Variants in CD300LF observed in about 807,000 individuals in gnomAD.
The protein encoded by CD300LF is CMRF35-like molecule 1.
CD300LF carries 27 observed loss-of-function variants against 32.2 expected under a neutral mutation model. The observed-to-expected ratio is 0.84, with a 90% confidence interval of 0.62 to 1.15. CD300LF has a LOEUF of 1.15. CD300LF is among the 50% of genes most tolerant of loss of function. CD300LF has a pLI of 0.00. For missense variants in CD300LF, 348 were observed against 356.8 expected, an observed-to-expected ratio of 0.98 and a Z score of 0.20; for synonymous variants, 139 against 143.2, an observed-to-expected ratio of 0.97 and a Z score of 0.21.
chr17:74,695,029 G>C lies in CD300LF; in HGVS notation c.*67C>G, dbSNP rs982481740. The C allele has an allele frequency of 6.6e-7, 1 of 1,526,624 alleles. No individual in the cohort carries two copies. The highest frequency in any genetic ancestry group is 1.4e-5 in the African/African-American group (1 of 72,504). 94.6% of individuals were successfully genotyped at this position (1,526,624 alleles called of 1,614,324 possible). On this transcript the variant is annotated 3_prime_UTR_variant, in exon 7 of 7. Coordinates refer to ENST00000326165, the MANE Select transcript of CD300LF (RefSeq NM_139018.5). ...GTTGGTCCTGATGAGGGGAGCAGGG[G>C]GCAGACGGTCGATGAGGCAGGAGTG...
At chr17:74,712,131 C>G (rs1436233250) in intron 1 of CD300LF, among the ~76,000 whole-genome samples, 1 of 151,836 alleles carries the variant, frequency 6.6e-6, no homozygotes, top group Non-Finnish European at 1.5e-5. Context: ...AAGCTGGTCT[C>G]GAATCCCTGA....
chr17:74,703,935 G>A (rs1489065370), intron 2 of CD300LF, among the ~76,000 whole-genome samples: 5 of 152,230 alleles, frequency 3.3e-5, no homozygotes, highest in African/African-American at 9.6e-5. Flanking sequence ...GCTCATGGTG[G>A]GATGTCAGGG....
chr17:74,702,800 G>A (rs2033175460), intron 3 of CD300LF, among the ~76,000 whole-genome samples: 1 of 152,200 alleles, frequency 6.6e-6, no homozygotes, highest in Non-Finnish European at 1.5e-5. Context: ...TAAAAGTGGG[G>A]CGAACGAATG....
intron 1 of CD300LF, among the ~76,000 whole-genome samples, chr17:74,711,242 C>T (rs561605017): frequency 3.3e-5 from 5 of 152,150 alleles, no homozygotes; most frequent in African/African-American, 9.6e-5. Flanking sequence ...TCCATGTTGG[C>T]GCCCATAGCT....
chr17:74,702,200 G>C (rs549266491), intron 3 of CD300LF, among the ~76,000 whole-genome samples: 3 of 152,090 alleles, frequency 2.0e-5, no homozygotes, highest in Non-Finnish European at 4.4e-5. Context: ...ACAAAGTCAA[G>C]AGGGCCAAGG....
chr17:74,708,732 C>A (rs190720983), intron 1 of CD300LF, among the ~76,000 whole-genome samples: 1 of 151,722 alleles, frequency 6.6e-6, no homozygotes, highest in Non-Finnish European at 1.5e-5. Context: ...CTGGCTAACA[C>A]GGTGAAACCC....
intron 3 of CD300LF, 26 bp downstream of exon 3, chr17:74,703,009 C>A (rs1485893134): frequency 6.3e-7 from 1 of 1,590,272 alleles, no homozygotes; most frequent in Non-Finnish European, 8.6e-7. Flanking sequence ...GCCAAGTAGG[C>A]CACAGTGGAA....
chr17:74,711,758 GT>G (rs2033978303), intron 1 of CD300LF, among the ~76,000 whole-genome samples: 1 of 152,094 alleles, frequency 6.6e-6, no homozygotes, highest in Non-Finnish European at 1.5e-5. Context: ...CAGGGGGGTT[GT>G]TTCAGCCCAC....
In CD300LF at chr17:74,694,784, A is replaced by G. The variant is rs2032272574; in HGVS notation, c.*312T>C. On this transcript the variant is annotated 3_prime_UTR_variant, in exon 7 of 7. Transcript: ENST00000326165. Reference sequence around the variant, plus strand: ...AATAAAGGTTCATTGTATTACGATAATGGTACTTCATGATAATAATGATAA... The same window carrying G: ...AATAAAGGTTCATTGTATTACGATAGTGGTACTTCATGATAATAATGATAA... 3.9e-6 allele frequency: 1 copy of G among 253,492 alleles called. No individual in the cohort carries two copies. The highest frequency in any genetic ancestry group is 7.5e-6 in the Non-Finnish European group (1 of 133,090). 15.7% of individuals were successfully genotyped at this position (253,492 alleles called of 1,614,324 possible).
intron 1 of CD300LF, among the ~76,000 whole-genome samples, chr17:74,706,120 G>C (rs1370898386): frequency 6.6e-6 from 1 of 151,988 alleles, no homozygotes; most frequent in Non-Finnish European, 1.5e-5. Flanking sequence ...GGAGGGAAGG[G>C]AGCAAGCACT....
At position 74,703,088 on chromosome 17, in the gene CD300LF, G is replaced by A. The variant is rs2033210187; in HGVS notation, c.393C>T (p.Thr131=). 2 of 1,614,048 alleles carry A rather than the reference G, an allele frequency of 1.2e-6. No homozygotes were observed. Among genetic ancestry groups the A allele is most frequent in the Non-Finnish European group, 8.5e-7 (1 of 1,179,954 alleles). Residue 131 remains threonine, a synonymous_variant, in exon 3 of 7, where the codon ACC becomes ACT. Coordinates refer to ENST00000326165, the MANE Select transcript of CD300LF (RefSeq NM_139018.5). ...TTGGGGAGCTGCTAGTTTCTTCTTG[G>A]GTGACTGGTGCTGTAAACGTAGTGG... is the stretch of plus-strand genomic sequence containing the variant. ...VQVTIDPAPV[T]QEETSSSPTL...
Position 74,695,631 on chromosome 17 carries a change from C to T in CD300LF, c.717+94G>A. On this transcript the variant is annotated intron_variant, in intron 6 of 6. Coordinates refer to ENST00000326165, the MANE Select transcript of CD300LF (RefSeq NM_139018.5). ...CCCACACCTGCCTCCTCTATGCCCA[C>T]ATGAGCAGGAGAAAGCCCACCCTCC... is the stretch of plus-strand genomic sequence containing the variant. 4.5e-6 allele frequency: 7 copies of T among 1,566,794 alleles called. No homozygotes were observed. The South Asian group carries it at 6.9e-5, about 15-fold the overall frequency.
chr17:74,694,797 A>G lies in CD300LF; in HGVS notation c.*299T>C, dbSNP rs2143523014. The G allele has an allele frequency of 3.7e-6, 1 of 273,406 alleles. No individual in the cohort carries two copies. The highest frequency in any genetic ancestry group is 1.2e-4 in the South Asian group (1 of 8,154). 16.9% of individuals were successfully genotyped at this position (273,406 alleles called of 1,614,324 possible). A position where few individuals can be genotyped will look rare whatever the true frequency, so the allele number is the denominator to read the frequency against. ...TGTATTACGATAATGGTACTTCATG[A>G]TAATAATGATAACATTTTTCTCATT... On this transcript the variant is annotated 3_prime_UTR_variant, in exon 7 of 7. Coordinates refer to ENST00000326165, the MANE Select transcript of CD300LF (RefSeq NM_139018.5).
chr17:74,705,553 CAGTA>C (rs1179664147), intron 1 of CD300LF, among the ~76,000 whole-genome samples: 4 of 152,152 alleles, frequency 2.6e-5, no homozygotes, highest in Non-Finnish European at 4.4e-5. Flanking sequence ...GTATTATAGA[CAGTA>C]AGGCAGTATT....
chr17:74,696,659 C>T (rs1196019626), intron 4 of CD300LF, among the ~76,000 whole-genome samples: 1 of 152,220 alleles, frequency 6.6e-6, no homozygotes, highest in Admixed American at 6.5e-5. Flanking sequence ...CCCGGGCCCC[C>T]GGGGGGCACT....
chr17:74,712,724 C>A, intron 1 of CD300LF, 100 bp downstream of exon 1: 1 of 1,217,610 alleles, frequency 8.2e-7, no homozygotes. Context: ...AAGGCTCATG[C>A]CATTAAGGAC....
Position 74,704,699 on chromosome 17 carries a change from C to T in CD300LF, c.161G>A (p.Cys54Tyr), listed in dbSNP as rs1368866094. ...SGWETYLKWWCRGAIWRDCKI... is the reference protein window; with the variant it reads ...SGWETYLKWWYRGAIWRDCKI... ...GCAGTCACGCCAAATAGCTCCTCGA[C>T]ACCACCACTTCAAGTAGGTCTCCCA... is the stretch of plus-strand genomic sequence containing the variant. Residue 54 changes from cysteine to tyrosine, a missense_variant, in exon 2 of 7, where the codon TGT (cysteine) becomes TAT (tyrosine). Physicochemically the swap from Cys to Tyr is radical, Grantham distance 194. Transcript: ENST00000326165. 6.2e-7 allele frequency: 1 copy of T among 1,614,206 alleles called. No individual in the cohort carries two copies. Among genetic ancestry groups the T allele is most frequent in the Admixed American group, 1.7e-5 (1 of 60,028 alleles).
chr17:74,704,224 C>A, intron 2 of CD300LF: 1 of 425,400 alleles, frequency 2.4e-6, no homozygotes, highest in South Asian at 4.0e-5. Flanking sequence ...ACCTTGTCCT[C>A]AGGCACTGAG....
At position 74,704,669 on chromosome 17, in the gene CD300LF, A is replaced by G. The variant is rs1481363094; in HGVS notation, c.191T>C (p.Ile64Thr). 6.2e-7 allele frequency: 1 copy of G among 1,614,146 alleles called. No homozygotes were observed. The highest frequency in any genetic ancestry group is 1.7e-5 in the Admixed American group (1 of 60,016). Reference protein sequence around the residue: ...CRGAIWRDCKILVKTSGSEQE... With the variant: ...CRGAIWRDCKTLVKTSGSEQE... Reference sequence around the variant, plus strand: ...CTCTGACCCACTGGTTTTAACAAGGATCTTGCAGTCACGCCAAATAGCTCC... The same window carrying G: ...CTCTGACCCACTGGTTTTAACAAGGGTCTTGCAGTCACGCCAAATAGCTCC... Residue 64 changes from isoleucine (I) to threonine (T), a missense_variant, in exon 2 of 7, where the codon ATC becomes ACC. Physicochemically the swap from Ile to Thr is moderately conservative, Grantham distance 89 (BLOSUM62 -1). Transcript: ENST00000326165.
Sources: gnomAD v4.1 joint callset for allele counts (sites outside exome capture counted in the v4.1 genomes callset) on GRCh38, gnomAD v4.1.1 for gene constraint, MANE v1.5 for transcripts, NCBI Gene and HGNC (gene_info 2026-07-23, HGNC 2026-07-21) for gene names.